The following SLC39A1 variants were observed in gnomAD, a reference collection of about 807,000 sequenced individuals.
The protein encoded by SLC39A1 is zinc transporter ZIP1.
A neutral mutation model predicts 21.4 loss-of-function variants in SLC39A1; 17 were observed. That is an observed-to-expected ratio of 0.79 (90% CI 0.54 to 1.19). The LOEUF (loss-of-function observed/expected upper bound fraction) is 1.19. SLC39A1 is among the 50% of genes most tolerant of loss of function. The pLI is 0.00. For synonymous variants in SLC39A1, 183 were observed against 185.9 expected (o/e 0.98, Z 0.13); for missense variants, 343 against 399.8 (o/e 0.86, Z 1.21).
At chr1:153,962,482 C>G (rs1259856253) in intron 2 of SLC39A1, 47 bp downstream of exon 2, 2 of 1,589,912 alleles carry the variant, frequency 1.3e-6, no homozygotes, top group African/African-American at 2.7e-5. Flanking sequence ...CCAGAGCCCT[C>G]CCTAAGCCAA....
rs755154359 is a variant in SLC39A1, at chr1:153,962,200, A to C, written c.318+20T>G. Reference sequence around the variant, plus strand: ...GTGTGATTCCCCTCCCGCAAGTCACATGCCCAGGCCAGTGCTCACCGTCAC... The same window carrying C: ...GTGTGATTCCCCTCCCGCAAGTCACCTGCCCAGGCCAGTGCTCACCGTCAC... On this transcript the variant is annotated intron_variant, in intron 3 of 3. Coordinates refer to ENST00000356205, the MANE Select transcript of SLC39A1 (RefSeq NM_001271958.2). The C allele has an allele frequency of 1.2e-6, 2 of 1,609,468 alleles. No individual in the cohort carries two copies. Among genetic ancestry groups the C allele is most frequent in the Non-Finnish European group, 1.7e-6 (2 of 1,177,636 alleles).
At chr1:153,967,715 A>G (rs1328445882), upstream of SLC39A1, 2 of 152,186 alleles carry the variant, frequency 1.3e-5, no homozygotes, top group East Asian at 3.8e-4. Flanking sequence ...ACTCTCCTGA[A>G]CAGCCAAACT....
At chr1:153,966,751 TAGC>T (rs1190008540), upstream of SLC39A1, 2 of 152,214 alleles carry the variant, frequency 1.3e-5, no homozygotes, top group African/African-American at 4.8e-5. Context: ...GGATAATTAG[TAGC>T]AGTTTGAGTT....
chr1:153,964,317 G>GT (rs1393191550), upstream of SLC39A1: 1 of 152,314 alleles, frequency 6.6e-6, no homozygotes, highest in Non-Finnish European at 1.5e-5. Context: ...GCTGTTTGCT[G>GT]TTCCTTGAAT....
chr1:153,960,645 T>C lies in SLC39A1; in HGVS notation c.428A>G (p.Glu143Gly). Residue 143 changes from glutamate (E) to glycine (G), a missense_variant, in exon 4 of 4, where the codon GAG becomes GGG. Transcript: ENST00000356205. Reference protein sequence around the residue: ...YKEQSGPSPLEETRALLGTVN... With the variant: ...YKEQSGPSPLGETRALLGTVN... ...TGTTCCCAGCAGAGCCCTTGTTTCC[T>C]CCAGAGGTGACGGCCCTGACTGCTC... The C allele has an allele frequency of 6.2e-7, 1 of 1,614,208 alleles. No homozygotes were observed. Among genetic ancestry groups the C allele is most frequent in the Non-Finnish European group, 8.5e-7 (1 of 1,180,044 alleles).
Position 153,959,490 on chromosome 1 carries a change from G to C in SLC39A1, c.*608C>G, listed in dbSNP as rs1036295713. 8.9e-5 allele frequency: 35 copies of C among 392,366 alleles called. No individual in the cohort carries two copies. The highest frequency in any genetic ancestry group is 1.3e-4 in the Non-Finnish European group (30 of 222,580). The allele number at this position is 392,366 out of a possible 1,614,324, so 24.3% of individuals were successfully genotyped here. A position where few individuals can be genotyped will look rare whatever the true frequency, so the allele number is the denominator to read the frequency against. ...GTAGGGCTCAGTGCCACATTACTGT[G>C]CTTTGAGAAAGAGGAAGGGGATTTG... On this transcript the variant is annotated 3_prime_UTR_variant, in exon 4 of 4. Coordinates refer to ENST00000356205, the MANE Select transcript of SLC39A1 (RefSeq NM_001271958.2).
chr1:153,967,104 CTG>C (rs909957190), upstream of SLC39A1, among the ~76,000 whole-genome samples: 1 of 152,214 alleles, frequency 6.6e-6, no homozygotes, highest in African/African-American at 2.4e-5. Flanking sequence ...TTCCCGGTAA[CTG>C]TATGCAAACA....
chr1:153,962,170 G>A (rs1245633041), intron 3 of SLC39A1, 50 bp downstream of exon 3: 1 of 1,597,706 alleles, frequency 6.3e-7, no homozygotes, highest in African/African-American at 1.3e-5. Context: ...AACACTCCCA[G>A]AGGTGTGTGA....
At chr1:153,966,635 A>G (rs1271270724), upstream of SLC39A1, 1 of 135,716 alleles carries the variant, frequency 7.4e-6, no homozygotes, top group Non-Finnish European at 1.7e-5. Flanking sequence ...AAACAAACAA[A>G]CAAACTTGTC....
In SLC39A1 at chr1:153,962,673, CG is replaced by C. The variant is rs1212750982; in HGVS notation, c.42del (p.Glu15ArgfsTer3). Reference protein sequence around the residue: ...WGEPELLVWRPEAVASEPPVP... With the variant: ...WGEPELLVWRXEAVASEPPVP... ...ACTGGAGGCTCTGAAGCTACCGCCT[CG>C]GGGCGCCACACCAGGAGCTCTGGCT... On this transcript the variant is annotated frameshift_variant, in exon 2 of 4. Coordinates refer to ENST00000356205, the MANE Select transcript of SLC39A1 (RefSeq NM_001271958.2). LOFTEE classifies it high-confidence loss of function. 11 of 1,609,932 alleles carry C rather than the reference CG, an allele frequency of 6.8e-6. No individual in the cohort carries two copies. Among genetic ancestry groups the C allele is most frequent in the Non-Finnish European group, 7.6e-6 (9 of 1,178,288 alleles).
At position 153,960,165 on chromosome 1, in the gene SLC39A1, A is replaced by C; in HGVS notation, c.908T>G (p.Ile303Ser). ...TGCTAGGAGCAGAATGACCTTGAGG[A>C]TCCTTTGCTCAGAACTGGCCAGCTC... is the stretch of plus-strand genomic sequence containing the variant. ...PQELASSEQR[I>S]LKVILLLAGF... Residue 303 changes from isoleucine (I) to serine (S), a missense_variant, in exon 4 of 4, where the codon ATC (isoleucine) becomes AGC (serine). Coordinates refer to ENST00000356205, the MANE Select transcript of SLC39A1 (RefSeq NM_001271958.2). 6.2e-7 allele frequency: 1 copy of C among 1,614,238 alleles called. No homozygotes were observed. Among genetic ancestry groups the C allele is most frequent in the Non-Finnish European group, 8.5e-7 (1 of 1,180,040 alleles).
In SLC39A1 at chr1:153,959,874, G is replaced by A. The variant is rs112657271; in HGVS notation, c.*224C>T. The A allele has an allele frequency of 9.3e-5, 51 of 549,948 alleles. No homozygotes were observed. Among genetic ancestry groups the A allele is most frequent in the African/African-American group, 6.6e-4 (35 of 53,302 alleles). 34.1% of individuals were successfully genotyped at this position (549,948 alleles called of 1,614,324 possible). A position where few individuals can be genotyped will look rare whatever the true frequency, so the allele number is the denominator to read the frequency against. ...TAATGTCCCCTGATATGTCTCTAGC[G>A]ACTTGACCATCTCTTGTTCCTTGGG... is the stretch of plus-strand genomic sequence containing the variant. On this transcript the variant is annotated 3_prime_UTR_variant, in exon 4 of 4. Coordinates refer to ENST00000356205, the MANE Select transcript of SLC39A1 (RefSeq NM_001271958.2).
chr1:153,962,906 C>G, intron 1 of SLC39A1, 159 bp from the exon 2 acceptor site: 1 of 503,604 alleles, frequency 2.0e-6, no homozygotes, highest in Non-Finnish European at 3.4e-6. Flanking sequence ...CAGGAACATT[C>G]CTCTCTTCTC....
At position 153,960,232 on chromosome 1, in the gene SLC39A1, CA is replaced by C; in HGVS notation, c.840del (p.Gly281AlafsTer30). 1 of 1,614,168 alleles carries C rather than the reference CA, an allele frequency of 6.2e-7. No individual in the cohort carries two copies. On this transcript the variant is annotated frameshift_variant, in exon 4 of 4. Transcript: ENST00000356205. LOFTEE classifies it high-confidence loss of function. The stretch of plus-strand genomic sequence containing the variant: ...AGAAAGGTGATATAGAGAAAGGTGC[CA>C]GCTGCCATGCCCTCTAGCACAGACT... ...LAQSVLEGMA[A>X]GTFLYITFLE...
rs1266474162 is a variant in SLC39A1 at position 153,959,990 on chromosome 1, C to G, written c.*108G>C. 1 of 1,389,456 alleles carries G rather than the reference C, an allele frequency of 7.2e-7. No homozygotes were observed. The highest frequency in any genetic ancestry group is 9.8e-7 in the Non-Finnish European group (1 of 1,024,664). The allele number at this position is 1,389,456 out of a possible 1,614,324, so 86.1% of individuals were successfully genotyped here. On this transcript the variant is annotated 3_prime_UTR_variant, in exon 4 of 4. Coordinates refer to ENST00000356205, the MANE Select transcript of SLC39A1 (RefSeq NM_001271958.2). ...TTTAGCTCCCAGAGAACTTTTTGGT[C>G]CTCAGTATTTCCCTTCCCCTTTCCT... is the stretch of plus-strand genomic sequence containing the variant.
At chr1:153,962,969 G>A in intron 1 of SLC39A1, 3 of 405,880 alleles carry the variant, frequency 7.4e-6, no homozygotes, top group Non-Finnish European at 8.7e-6. Context: ...GGGAAACCGA[G>A]GCATGAGAAA....
chr1:153,959,551 GGA>G lies in SLC39A1; in HGVS notation c.*545_*546del, dbSNP rs1225032545. The G allele has an allele frequency of 5.8e-6, 2 of 343,800 alleles. No individual in the cohort carries two copies. Among genetic ancestry groups the G allele is most frequent in the Non-Finnish European group, 1.0e-5 (2 of 191,588 alleles). The allele number at this position is 343,800 out of a possible 1,614,324, so 21.3% of individuals were successfully genotyped here. ...TAAAAATAGAGGAGTAAGCAGGACT[GGA>G]GAGGCCAGAGAAGATACCAAAATTG... On this transcript the variant is annotated 3_prime_UTR_variant, in exon 4 of 4. Transcript: ENST00000356205.
chr1:153,959,991 C>T lies in SLC39A1; in HGVS notation c.*107G>A, dbSNP rs1647270665. On this transcript the variant is annotated 3_prime_UTR_variant, in exon 4 of 4. Coordinates refer to ENST00000356205, the MANE Select transcript of SLC39A1 (RefSeq NM_001271958.2). ...TTAGCTCCCAGAGAACTTTTTGGTC[C>T]TCAGTATTTCCCTTCCCCTTTCCTT... 2.9e-6 allele frequency: 4 copies of T among 1,400,146 alleles called. No homozygotes were observed. Among genetic ancestry groups the T allele is most frequent in the African/African-American group, 1.4e-5 (1 of 69,230 alleles). The allele number at this position is 1,400,146 out of a possible 1,614,324, so 86.7% of individuals were successfully genotyped here.
chr1:153,962,686 CAGG>C lies in SLC39A1; in HGVS notation c.27_29del (p.Leu10del), dbSNP rs774863940. The C allele has an allele frequency of 3.1e-6, 5 of 1,606,560 alleles. No homozygotes were observed. Among genetic ancestry groups the C allele is most frequent in the South Asian group, 2.2e-5 (2 of 89,874 alleles). On this transcript the variant is annotated inframe_deletion, in exon 2 of 4. Transcript: ENST00000356205. ...AAGCTACCGCCTCGGGGCGCCACAC[CAGG>C]AGCTCTGGCTCTCCCCAGGGCCCCA...
Sources: allele counts gnomAD v4.1 joint callset (sites outside exome capture counted in the v4.1 genomes callset), GRCh38; gene constraint gnomAD v4.1.1; transcripts MANE v1.5; gene names NCBI Gene and HGNC (gene_info 2026-07-23, HGNC 2026-07-21).